The following SYNDIG1 variants were observed in gnomAD, a reference collection of about 807,000 sequenced individuals.
The protein encoded by SYNDIG1 is synapse differentiation inducing 1, also known as synapse differentiation-inducing gene protein 1.
In SYNDIG1, 9 loss-of-function variants were observed where a neutral mutation model predicts 19.4. That is an observed-to-expected ratio of 0.46 (90% CI 0.28 to 0.81). The LOEUF (loss-of-function observed/expected upper bound fraction) is 0.81, where lower values mean the gene tolerates loss of function less well. Among genes scored for constraint, SYNDIG1 ranks in the 30% least tolerant of loss-of-function variants. The pLI is 0.12. For synonymous variants in SYNDIG1, 141 were observed against 145.9 expected (o/e 0.97, Z 0.24); for missense variants, 311 against 343.3 (o/e 0.91, Z 0.74).
At chr20:24,632,363 C>T (rs886593916) in intron 3 of SYNDIG1, among the ~76,000 whole-genome samples, 2 of 152,160 alleles carry the variant, frequency 1.3e-5, no homozygotes, top group Non-Finnish European at 2.9e-5. Context: ...CCTCAGCCTC[C>T]TGAGTAGCTG....
At chr20:24,570,042 C>A (rs2058115197) in intron 2 of SYNDIG1, among the ~76,000 whole-genome samples, 2 of 152,180 alleles carry the variant, frequency 1.3e-5, no homozygotes, top group Admixed American at 1.3e-4. Flanking sequence ...TGAAAATGGT[C>A]ATATACCAAT....
chr20:24,518,548 G>A (rs1260456991), intron 1 of SYNDIG1, among the ~76,000 whole-genome samples: 2 of 152,204 alleles, frequency 1.3e-5, no homozygotes, highest in Non-Finnish European at 2.9e-5. Flanking sequence ...TGGGGGTTCA[G>A]CTAATCTTTC....
At position 24,560,694 on chromosome 20, in the gene SYNDIG1, C is replaced by CTTTTTTTTTTTTTTTTTTTTTTT. The variant is rs10658853; in HGVS notation, c.480+17138_480+17139insTTTTTTTTTTTTTTTTTTTTTTT. On this transcript the variant is annotated intron_variant, in intron 2 of 3. Coordinates refer to ENST00000376862, the MANE Select transcript of SYNDIG1 (RefSeq NM_024893.3). ...CCCCCGAGACAGTTTCTGTTGACTA[C>CTTTTTTTTTTTTTTTTTTTTTTT]TTTTTTTTTTTTTTTTTTTTTAAAC... Among the ~76,000 whole-genome samples the CTTTTTTTTTTTTTTTTTTTTTTT allele has an allele frequency of 1.8e-5, 2 of 113,822 alleles. 1 individual carries two copies. The allele number at this position is 113,822 out of a possible 152,430, so 74.7% of individuals were successfully genotyped here.
intron 2 of SYNDIG1, among the ~76,000 whole-genome samples, chr20:24,557,635 C>T (rs569711600): frequency 2.6e-5 from 4 of 152,260 alleles, no homozygotes; most frequent in Admixed American, 6.5e-5. Flanking sequence ...TCGTGAACCT[C>T]GAATGCTGCT....
intron 1 of SYNDIG1, among the ~76,000 whole-genome samples, chr20:24,536,389 C>T (rs901749423): frequency 3.3e-5 from 5 of 152,134 alleles, no homozygotes; most frequent in African/African-American, 1.2e-4. Flanking sequence ...CAAACACTCT[C>T]CAAGCAAGAA....
At chr20:24,571,194 C>G (rs1448399194) in intron 2 of SYNDIG1, among the ~76,000 whole-genome samples, 12 of 152,124 alleles carry the variant, frequency 7.9e-5, no homozygotes, top group Non-Finnish European at 1.6e-4. Flanking sequence ...TGTATCTTGG[C>G]ATACATCTAT....
chr20:24,482,433 T>C (rs1204539032), intron 1 of SYNDIG1, among the ~76,000 whole-genome samples: 1 of 152,200 alleles, frequency 6.6e-6, no homozygotes, highest in Non-Finnish European at 1.5e-5. Context: ...CTTTCCAAAA[T>C]GATTGCCCAG....
intron 3 of SYNDIG1, among the ~76,000 whole-genome samples, chr20:24,654,749 A>G (rs2059508601): frequency 6.6e-6 from 1 of 152,144 alleles, no homozygotes; most frequent in Admixed American, 6.5e-5. Flanking sequence ...AACATTTTAG[A>G]ACACCCAGGT....
intron 1 of SYNDIG1, among the ~76,000 whole-genome samples, chr20:24,513,974 A>G (rs2056807199): frequency 6.6e-6 from 1 of 152,246 alleles, no homozygotes; most frequent in African/African-American, 2.4e-5. Flanking sequence ...AATATTCAAC[A>G]TTCTTTAAGA....
Position 24,658,796 on chromosome 20 carries a change from C to T in SYNDIG1, c.619-6550C>T, listed in dbSNP as rs1214717029. On this transcript the variant is annotated intron_variant, in intron 3 of 3. Coordinates refer to ENST00000376862, the MANE Select transcript of SYNDIG1 (RefSeq NM_024893.3). This position sits in a 1 kb window ranked among gnomAD's most constrained non-coding sequence, Gnocchi z 4.4. ...AGCGGGGTCGTCTGCCTCGTTTTCT[C>T]CCAGATCCATGCTGTCCAGTGTGGG... Among the ~76,000 whole-genome samples, 11 of 152,136 alleles carry T rather than the reference C, an allele frequency of 7.2e-5. No individual in the cohort carries two copies. The highest frequency in any genetic ancestry group is 5.2e-4 in the Admixed American group (8 of 15,272).
intron 1 of SYNDIG1, among the ~76,000 whole-genome samples, chr20:24,524,710 C>A (rs915724231): frequency 2.6e-5 from 4 of 151,694 alleles, no homozygotes; most frequent in Admixed American, 2.6e-4. Context: ...CATTAAGATT[C>A]TTTTTGCTCT....
intron 1 of SYNDIG1, among the ~76,000 whole-genome samples, chr20:24,496,914 G>T (rs1010460780): frequency 6.6e-6 from 1 of 151,934 alleles, no homozygotes; most frequent in Admixed American, 6.6e-5. Flanking sequence ...CAATTTCTAT[G>T]CCTTCCCCCT....
chr20:24,631,812 A>G (rs1448963445), intron 3 of SYNDIG1, among the ~76,000 whole-genome samples: 1 of 152,234 alleles, frequency 6.6e-6, no homozygotes, highest in Non-Finnish European at 1.5e-5. Context: ...CTGTGAAGCT[A>G]GCTTTATTTT....
chr20:24,483,401 A>C (rs182072862), intron 1 of SYNDIG1, among the ~76,000 whole-genome samples: 183 of 152,314 alleles, frequency 1.2e-3, no homozygotes, highest in African/African-American at 4.0e-3. Context: ...AGGAAAAAAA[A>C]CCCAAAAGTT....
chr20:24,583,681 G>A (rs6138332), intron 2 of SYNDIG1, among the ~76,000 whole-genome samples: 72,869 of 152,068 alleles, frequency 0.48, 18,056 homozygotes, highest in Middle Eastern at 0.57. Context: ...TCAGCCTCCT[G>A]GAGGAGTCAC....
At chr20:24,530,975 AT>A (rs1439480704) in intron 1 of SYNDIG1, among the ~76,000 whole-genome samples, 1 of 151,658 alleles carries the variant, frequency 6.6e-6, no homozygotes, top group African/African-American at 2.4e-5. Context: ...AGCCCAGCTA[AT>A]TTTTTTGTAT....
intron 2 of SYNDIG1, among the ~76,000 whole-genome samples, chr20:24,563,998 T>C (rs2057994248): frequency 6.6e-6 from 1 of 152,174 alleles, no homozygotes. Context: ...TCCCTGGCAG[T>C]CCTCATTGTC....
intron 1 of SYNDIG1, among the ~76,000 whole-genome samples, chr20:24,484,191 G>T (rs1189808137): frequency 6.6e-6 from 1 of 152,108 alleles, no homozygotes; most frequent in African/African-American, 2.4e-5. Flanking sequence ...GCTGCTGAGG[G>T]TTGGGAATTT....
At chr20:24,638,382 T>C (rs1908971175) in intron 3 of SYNDIG1, among the ~76,000 whole-genome samples, 1 of 152,120 alleles carries the variant, frequency 6.6e-6, no homozygotes, top group Admixed American at 6.5e-5. Context: ...CTCCAGAGGG[T>C]CTCACTCTGT....
Sources: gnomAD v4.1 joint callset for allele counts (sites outside exome capture counted in the v4.1 genomes callset) on GRCh38, gnomAD v4.1.1 for gene constraint, Gnocchi (gnomAD v3.1) non-coding constraint, MANE v1.5 for transcripts, NCBI Gene and HGNC (gene_info 2026-07-23, HGNC 2026-07-21) for gene names.